SCHIP1: variants seen among roughly 807,000 people sequenced by gnomAD.
SCHIP1 encodes the protein schwannomin-interacting protein 1.
A neutral mutation model predicts 29.7 loss-of-function variants in SCHIP1; 8 were observed. That is an observed-to-expected ratio of 0.27 (90% CI 0.16 to 0.49). The LOEUF (loss-of-function observed/expected upper bound fraction) is 0.49, where lower values mean the gene tolerates loss of function less well. Among genes scored for constraint, SCHIP1 ranks in the 20% least tolerant of loss-of-function variants. The probability of loss-of-function intolerance (pLI) is 0.99; values close to 1 mark genes in which losing one functional copy is unlikely to be tolerated. For synonymous variants in SCHIP1, 76 were observed against 94.9 expected, an observed-to-expected ratio of 0.80 and a Z score of 1.16; for missense variants, 193 against 294.6, an observed-to-expected ratio of 0.66 and a Z score of 2.52.
At chr3:159,546,861 A>C in the SCHIP1 span, among the ~76,000 whole-genome samples, 1 of 149,418 alleles carries the variant, frequency 6.7e-6, no homozygotes, top group Non-Finnish European at 1.5e-5. Flanking sequence ...TTGCTATTGT[A>C]AACAGTGCTG....
chr3:159,322,780 C>T, the SCHIP1 span, among the ~76,000 whole-genome samples: 6 of 152,222 alleles, frequency 3.9e-5, no homozygotes, highest in East Asian at 5.8e-4. Context: ...AATTGGGATG[C>T]GGGGTGTCTG....
chr3:159,484,020 T>C, the SCHIP1 span, among the ~76,000 whole-genome samples: 1 of 152,174 alleles, frequency 6.6e-6, no homozygotes, highest in Non-Finnish European at 1.5e-5. Flanking sequence ...AAAAGAGGTA[T>C]TTACAGACCA....
At chr3:159,730,709 A>G in the SCHIP1 span, among the ~76,000 whole-genome samples, 1 of 152,324 alleles carries the variant, frequency 6.6e-6, no homozygotes, top group African/African-American at 2.4e-5. Context: ...AGTTGATATA[A>G]AAGAGAGAGT....
At chr3:159,470,031 T>TTA in the SCHIP1 span, among the ~76,000 whole-genome samples, 4 of 152,128 alleles carry the variant, frequency 2.6e-5, no homozygotes, top group African/African-American at 4.8e-5. Flanking sequence ...CACCAGCTTG[T>TTA]TAGACATGAA....
chr3:159,381,521 T>C, the SCHIP1 span, among the ~76,000 whole-genome samples: 2 of 152,152 alleles, frequency 1.3e-5, no homozygotes, highest in African/African-American at 2.4e-5. Context: ...CCTTAAAGAT[T>C]TATGGAGAAT....
At chr3:159,746,363 A>C in the SCHIP1 span, among the ~76,000 whole-genome samples, 1 of 152,032 alleles carries the variant, frequency 6.6e-6, no homozygotes, top group African/African-American at 2.4e-5. Context: ...GGGAGAGTAC[A>C]TTGTCCTGAT....
chr3:159,368,272 A>T, the SCHIP1 span, among the ~76,000 whole-genome samples: 18 of 152,298 alleles, frequency 1.2e-4, 1 homozygote, highest in African/African-American at 3.6e-4. Flanking sequence ...CTACTGTAAG[A>T]TGCTGCTTCT....
At chr3:159,595,998 C>T in the SCHIP1 span, among the ~76,000 whole-genome samples, 1 of 152,152 alleles carries the variant, frequency 6.6e-6, no homozygotes, top group South Asian at 2.1e-4. Flanking sequence ...AAGAAACTAC[C>T]ATCAGAATGA....
the SCHIP1 span, among the ~76,000 whole-genome samples, chr3:159,735,072 T>C: frequency 6.6e-6 from 1 of 152,130 alleles, no homozygotes; most frequent in East Asian, 1.9e-4. Flanking sequence ...TCTTTTAATA[T>C]AAAATTACTC....
chr3:159,495,835 G>A, the SCHIP1 span, among the ~76,000 whole-genome samples: 3 of 152,112 alleles, frequency 2.0e-5, no homozygotes, highest in Non-Finnish European at 4.4e-5. Flanking sequence ...GAGGCATCAG[G>A]CTACCTGACT....
At chr3:159,819,675 C>T in the SCHIP1 span, among the ~76,000 whole-genome samples, 3 of 152,208 alleles carry the variant, frequency 2.0e-5, no homozygotes, top group Non-Finnish European at 4.4e-5. Context: ...GAAATCTTTA[C>T]TTTTCAAAGG....
At chr3:159,397,111 A>G in the SCHIP1 span, among the ~76,000 whole-genome samples, 1 of 151,356 alleles carries the variant, frequency 6.6e-6, no homozygotes, top group South Asian at 2.1e-4. Context: ...AGTTGATCGC[A>G]TTGGCTCCTG....
At chr3:159,754,594 T>A in the SCHIP1 span, among the ~76,000 whole-genome samples, 3 of 152,186 alleles carry the variant, frequency 2.0e-5, no homozygotes, top group Admixed American at 2.0e-4. Flanking sequence ...CTCCTAAAAG[T>A]TTGTGTTTAG....
chr3:159,705,609 G>C, the SCHIP1 span, among the ~76,000 whole-genome samples: 1 of 152,310 alleles, frequency 6.6e-6, no homozygotes, highest in South Asian at 2.1e-4. Flanking sequence ...AGGTTTGGTG[G>C]AGGTGAAGAT....
the SCHIP1 span, among the ~76,000 whole-genome samples, chr3:159,605,174 A>C: frequency 1.3e-5 from 2 of 152,222 alleles, no homozygotes; most frequent in Non-Finnish European, 2.9e-5. Context: ...AAGATTTAAA[A>C]GGGCGAAGCA....
At chr3:159,479,998 C>T in the SCHIP1 span, among the ~76,000 whole-genome samples, 1 of 152,126 alleles carries the variant, frequency 6.6e-6, no homozygotes, top group African/African-American at 2.4e-5. Context: ...GATCACTCAG[C>T]TAGTAAGTAG....
chr3:159,682,581 CTG>C, the SCHIP1 span, among the ~76,000 whole-genome samples: 8 of 152,152 alleles, frequency 5.3e-5, no homozygotes, highest in African/African-American at 1.7e-4. Context: ...TAGAGGGAAA[CTG>C]TGTGCTTCTC....
At chr3:159,287,803 C>A in the SCHIP1 span, among the ~76,000 whole-genome samples, 1 of 152,146 alleles carries the variant, frequency 6.6e-6, no homozygotes, top group Non-Finnish European at 1.5e-5. Context: ...AGGCAGCCAG[C>A]TCAGCATGCT....
the SCHIP1 span, among the ~76,000 whole-genome samples, chr3:159,581,006 C>T: frequency 4.6e-5 from 7 of 152,260 alleles, no homozygotes; most frequent in East Asian, 1.4e-3. Context: ...TCTGAAAAAC[C>T]TGTCTTGGTG....
Sources: allele counts gnomAD v4.1 joint callset (sites outside exome capture counted in the v4.1 genomes callset), GRCh38; gene constraint gnomAD v4.1.1; transcripts MANE v1.5; gene names NCBI Gene and HGNC (gene_info 2026-07-23, HGNC 2026-07-21).